Variants in ABCA13 observed in about 807,000 individuals in gnomAD.
ABCA13 encodes the protein ATP binding cassette subfamily A member 13, also known as ATP-binding cassette sub-family A member 13.
In ABCA13, 476 loss-of-function variants were observed where a neutral mutation model predicts 478.7. The observed-to-expected ratio is 0.99, with a 90% CI of 0.92 to 1.07. The LOEUF is 1.07. Among genes scored for constraint, ABCA13 ranks in the 50% least tolerant of loss-of-function variants. ABCA13 has a pLI of 0.00. For synonymous variants in ABCA13, 2,252 were observed against 2,158.9 expected (o/e 1.04, Z -1.20); for missense variants, 6,060 against 5,910.6 (o/e 1.03, Z -0.83).
chr7:48,497,964 G>T (rs1017662148), intron 48 of ABCA13, among the ~76,000 whole-genome samples: 1 of 152,158 alleles, frequency 6.6e-6, no homozygotes, highest in Non-Finnish European at 1.5e-5. Flanking sequence ...TGCACTTCTG[G>T]GTTCAGTCTC....
chr7:48,398,138 A>G (rs1242823167), intron 38 of ABCA13, among the ~76,000 whole-genome samples: 1 of 152,196 alleles, frequency 6.6e-6, no homozygotes, highest in African/African-American at 2.4e-5. Context: ...CTTATGGACT[A>G]TATATTATGA....
chr7:48,552,921 A>G (rs111626621), intron 55 of ABCA13, among the ~76,000 whole-genome samples: 8 of 151,562 alleles, frequency 5.3e-5, no homozygotes, highest in African/African-American at 1.9e-4. Flanking sequence ...ATTCTTTACA[A>G]CTACTTCTTG....
At chr7:48,558,213 C>G (rs1786064322) in intron 55 of ABCA13, among the ~76,000 whole-genome samples, 1 of 119,246 alleles carries the variant, frequency 8.4e-6, no homozygotes, top group Non-Finnish European at 1.7e-5. Flanking sequence ...CTCCCTTTCA[C>G]TTTCTCTTTC....
chr7:48,444,419 G>A (rs897593376), intron 42 of ABCA13, among the ~76,000 whole-genome samples: 3 of 152,152 alleles, frequency 2.0e-5, no homozygotes, highest in Non-Finnish European at 4.4e-5. Context: ...CTGGTGACCA[G>A]CACATCACTA....
intron 41 of ABCA13, among the ~76,000 whole-genome samples, chr7:48,417,289 A>T (rs41432151): frequency 0.03 from 4,598 of 152,048 alleles, 104 homozygotes; most frequent in East Asian, 0.058. Flanking sequence ...CTTTTTTTTC[A>T]TATGCCTCAA....
At position 48,275,570 on chromosome 7, in the gene ABCA13, A is replaced by G. The variant is rs1200444961; in HGVS notation, c.5904A>G (p.Thr1968=). The change falls in exon 17 of 62, where the codon ACA becomes ACG. Residue 1968 remains threonine, a synonymous_variant. Coordinates refer to ENST00000435803, the MANE Select transcript of ABCA13 (RefSeq NM_152701.5). Reference sequence around the variant, plus strand: ...AAAATGTCAACTTTACAAAAGTTACATCAGGTGAAAATATTCTTGACAAAC... The same window carrying G: ...AAAATGTCAACTTTACAAAAGTTACGTCAGGTGAAAATATTCTTGACAAAC... The part of the protein sequence containing the change: ...KLKNVNFTKV[T]SGENILDKLS... 3.1e-6 allele frequency: 5 copies of G among 1,613,642 alleles called. No homozygotes were observed. The highest frequency in any genetic ancestry group is 3.4e-6 in the Non-Finnish European group (4 of 1,179,754).
chr7:48,246,006 G>A lies in ABCA13; in HGVS notation c.1635G>A (p.Lys545=). ...CNSSETSVLN[K]LLGSVEDADR... ...CCTCTGAGACGAGTGTTTTAAACAA[G>A]CTACTTGGTTCAGTAGAGGATGCTG... The change falls in exon 13 of 62, where the codon AAG becomes AAA. Residue 545 remains lysine, a synonymous_variant. Transcript: ENST00000435803. The A allele has an allele frequency of 1.2e-6, 2 of 1,613,648 alleles. No individual in the cohort carries two copies. The highest frequency in any genetic ancestry group is 1.7e-6 in the Non-Finnish European group (2 of 1,179,728).
chr7:48,574,378 G>A (rs935641584), intron 55 of ABCA13, among the ~76,000 whole-genome samples: 1 of 152,090 alleles, frequency 6.6e-6, no homozygotes, highest in African/African-American at 2.4e-5. Flanking sequence ...ACGTTCATTT[G>A]CCAGAGTCCC....
chr7:48,303,574 C>T (rs968632061), intron 23 of ABCA13, among the ~76,000 whole-genome samples: 1 of 152,090 alleles, frequency 6.6e-6, no homozygotes, highest in Non-Finnish European at 1.5e-5. Context: ...ATCTCAGCAC[C>T]ATTTATTGAA....
chr7:48,468,894 C>T (rs1307908566), intron 44 of ABCA13, among the ~76,000 whole-genome samples: 1 of 152,174 alleles, frequency 6.6e-6, no homozygotes, highest in African/African-American at 2.4e-5. Flanking sequence ...TAAATCCGAT[C>T]TAAAATATGA....
chr7:48,410,798 A>T (rs1818911110), intron 40 of ABCA13, 121 bp downstream of exon 40: 1 of 1,367,880 alleles, frequency 7.3e-7, no homozygotes. Flanking sequence ...ACAATGGCCC[A>T]CATGCCAAAA....
intron 3 of ABCA13, among the ~76,000 whole-genome samples, chr7:48,207,181 AT>A (rs2128934150): frequency 6.6e-6 from 1 of 151,982 alleles, no homozygotes; most frequent in East Asian, 1.9e-4. Context: ...TACGTACTAC[AT>A]TTTCTTTATC....
In ABCA13 at chr7:48,473,927, A is replaced by C. The variant is rs569683199; in HGVS notation, c.12975+2328A>C. On this transcript the variant is annotated intron_variant, in intron 45 of 61. Transcript: ENST00000435803. The stretch of plus-strand genomic sequence containing the variant: ...TAGTGACACAGTACGCTTAGTGAGC[A>C]CTCAGAGTGTTGGTTGATATGGGAG... Among the ~76,000 whole-genome samples, 6 of 152,312 alleles carry C rather than the reference A, an allele frequency of 3.9e-5. No individual in the cohort carries two copies. In the East Asian group the frequency reaches 1.2e-3, roughly 29 times the overall value.
intron 42 of ABCA13, 150 bp downstream of exon 42, chr7:48,428,021 A>T (rs1275776248): frequency 4.3e-6 from 2 of 469,150 alleles, no homozygotes; most frequent in African/African-American, 2.0e-5. Context: ...AATACAGGTC[A>T]GAGGCAAAAA....
chr7:48,544,347 C>T (rs974725328), intron 55 of ABCA13, among the ~76,000 whole-genome samples: 10 of 151,836 alleles, frequency 6.6e-5, no homozygotes, highest in South Asian at 2.1e-4. Context: ...TGATTTATGG[C>T]GCTGGCAGCC....
At chr7:48,637,467 A>G (rs1794766973) in intron 59 of ABCA13, among the ~76,000 whole-genome samples, 1 of 149,872 alleles carries the variant, frequency 6.7e-6, no homozygotes, top group Admixed American at 6.7e-5. Context: ...TTGGCCTCTC[A>G]AGGTGACTGG....
At chr7:48,326,327 C>A (rs2128921346) in intron 27 of ABCA13, among the ~76,000 whole-genome samples, 1 of 152,220 alleles carries the variant, frequency 6.6e-6, no homozygotes, top group South Asian at 2.1e-4. Flanking sequence ...GCAGAACAGG[C>A]AATGAAGGGT....
Position 48,249,275 on chromosome 7 carries a change from C to A in ABCA13, c.1929C>A (p.Phe643Leu). ...FLEQAYYWKA[F>L]KKFIRKTCEV... ...AACAAGCATATTATTGGAAAGCCTTCAAAAAGTTTATCAGGAAGACTTGCG... is the reference window on the plus strand; with the variant it reads ...AACAAGCATATTATTGGAAAGCCTTAAAAAAGTTTATCAGGAAGACTTGCG... The change falls in exon 15 of 62, where the codon TTC (phenylalanine) becomes TTA (leucine). Residue 643 changes from phenylalanine (F) to leucine (L), a missense_variant. Phe to Leu is a conservative substitution (Grantham distance 22). This residue lies in a region of ABCA13 where 4,423 missense variants were observed against 4,309.1 expected (regional missense o/e 1.03). Coordinates refer to ENST00000435803, the MANE Select transcript of ABCA13 (RefSeq NM_152701.5). 6.2e-7 allele frequency: 1 copy of A among 1,613,264 alleles called. No homozygotes were observed. Among genetic ancestry groups the A allele is most frequent in the African/African-American group, 1.3e-5 (1 of 74,978 alleles).
At chr7:48,478,222 C>A (rs1363490508) in intron 45 of ABCA13, among the ~76,000 whole-genome samples, 2 of 145,882 alleles carry the variant, frequency 1.4e-5, no homozygotes, top group Non-Finnish European at 3.0e-5. Context: ...ATACATATAT[C>A]ATTATATATA....
Sources: allele counts gnomAD v4.1 joint callset (sites outside exome capture counted in the v4.1 genomes callset), GRCh38; gene constraint gnomAD v4.1.1; regional missense constraint gnomAD v4.1.1; transcripts MANE v1.5; gene names NCBI Gene and HGNC (gene_info 2026-07-23, HGNC 2026-07-21).